JAKMIP2: variants seen among roughly 807,000 people sequenced by gnomAD.
The protein encoded by JAKMIP2 is janus kinase and microtubule-interacting protein 2.
In JAKMIP2, 25 loss-of-function variants were observed where a neutral mutation model predicts 115.0. The observed-to-expected ratio is 0.22, with a 90% CI of 0.16 to 0.30. JAKMIP2 has a LOEUF of 0.30. Among genes scored for constraint, JAKMIP2 ranks in the 10% least tolerant of loss-of-function variants. JAKMIP2 has a pLI of 1.00. For synonymous variants in JAKMIP2, 334 were observed against 343.6 expected, an observed-to-expected ratio of 0.97 and a Z score of 0.31; for missense variants, 642 against 957.6, an observed-to-expected ratio of 0.67 and a Z score of 4.35.
chr5:147,654,402 G>C (rs1046773110), intron 3 of JAKMIP2, among the ~76,000 whole-genome samples: 3 of 152,028 alleles, frequency 2.0e-5, no homozygotes, highest in Admixed American at 6.5e-5. Context: ...GCAGTGGTTT[G>C]TAGCTCCCCT....
intron 21 of JAKMIP2, chr5:147,594,316 C>G: frequency 3.1e-6 from 1 of 326,966 alleles, no homozygotes; most frequent in Middle Eastern, 6.1e-4. Flanking sequence ...ATTTTTGAGA[C>G]TTTACTGCAT....
intron 1 of JAKMIP2, among the ~76,000 whole-genome samples, chr5:147,773,315 C>G (rs770568513): frequency 2.6e-5 from 4 of 152,098 alleles, no homozygotes; most frequent in Non-Finnish European, 5.9e-5. Flanking sequence ...CACTTAAGCA[C>G]CACAAGGCTA....
intron 2 of JAKMIP2, among the ~76,000 whole-genome samples, chr5:147,662,794 G>A (rs548754275): frequency 1.4e-3 from 218 of 152,228 alleles, no homozygotes; most frequent in African/African-American, 4.8e-3. Context: ...AGACTAGCCT[G>A]GCCAACATGG....
intron 1 of JAKMIP2, among the ~76,000 whole-genome samples, chr5:147,739,299 C>A (rs1242435804): frequency 6.6e-6 from 1 of 152,222 alleles, no homozygotes; most frequent in East Asian, 1.9e-4. Context: ...TGCATTCTCT[C>A]TCATTTCTCT....
chr5:147,685,567 T>C (rs988395662), intron 1 of JAKMIP2, among the ~76,000 whole-genome samples: 1 of 152,196 alleles, frequency 6.6e-6, no homozygotes, highest in African/African-American at 2.4e-5. Flanking sequence ...AGAAATACTG[T>C]ACTAGAAATA....
intron 1 of JAKMIP2, among the ~76,000 whole-genome samples, chr5:147,688,607 C>A (rs1448056961): frequency 6.6e-6 from 1 of 152,088 alleles, no homozygotes; most frequent in Non-Finnish European, 1.5e-5. Context: ...AATAATTGAC[C>A]TTCTGCTCAG....
intron 1 of JAKMIP2, among the ~76,000 whole-genome samples, chr5:147,702,459 A>G (rs1215986629): frequency 8.0e-6 from 1 of 125,672 alleles, no homozygotes; most frequent in African/African-American, 3.5e-5. Flanking sequence ...GGAAGGAAGG[A>G]AGGAAGGGAG....
chr5:147,712,696 G>T (rs1443691255), intron 1 of JAKMIP2, among the ~76,000 whole-genome samples: 5 of 152,084 alleles, frequency 3.3e-5, no homozygotes. Context: ...TCACTTGGTT[G>T]CTCCCTCATC....
rs940459594 is a variant in JAKMIP2, at chr5:147,648,457, T to C, written c.855A>G (p.Gln285=). The change falls in exon 5 of 22, where the codon CAA becomes CAG. Residue 285 remains glutamine, a synonymous_variant. Transcript: ENST00000616793. ...HCSSPDLRRN[Q]KRIAELNATI... ...TGGCATTCAATTCAGCTATTCTCTTTTGATTTCTTCGCAAATCCTACAAAG... is the reference window on the plus strand; with the variant it reads ...TGGCATTCAATTCAGCTATTCTCTTCTGATTTCTTCGCAAATCCTACAAAG... The C allele has an allele frequency of 6.2e-7, 1 of 1,601,842 alleles. No homozygotes were observed. The highest frequency in any genetic ancestry group is 8.5e-7 in the Non-Finnish European group (1 of 1,169,880).
At chr5:147,644,802 G>A in intron 6 of JAKMIP2, 48 bp downstream of exon 6, 1 of 1,509,370 alleles carries the variant, frequency 6.6e-7, no homozygotes, top group South Asian at 1.2e-5. Context: ...GGTTATTAAG[G>A]TAATATAATC....
chr5:147,622,653 A>G (rs980621355), intron 17 of JAKMIP2, among the ~76,000 whole-genome samples: 5 of 152,214 alleles, frequency 3.3e-5, no homozygotes, highest in African/African-American at 1.2e-4. Context: ...CTGTTCATCC[A>G]TTGATGGACA....
intron 1 of JAKMIP2, among the ~76,000 whole-genome samples, chr5:147,746,277 A>T (rs1754343184): frequency 6.6e-6 from 1 of 152,138 alleles, no homozygotes; most frequent in Non-Finnish European, 1.5e-5. Context: ...TCATTCAGAC[A>T]TGCCAAGTAG....
chr5:147,643,773 A>G (rs1280000996), intron 7 of JAKMIP2, among the ~76,000 whole-genome samples: 1 of 152,100 alleles, frequency 6.6e-6, no homozygotes, highest in Non-Finnish European at 1.5e-5. Flanking sequence ...GACACACCCA[A>G]CCTACCTACA....
At chr5:147,601,602 CAA>C in intron 21 of JAKMIP2, 137 bp downstream of exon 21, 1 of 552 alleles carries the variant, frequency 1.8e-3, no homozygotes, top group South Asian at 0.5. Flanking sequence ...GACTCTGTCT[CAA>C]AACAAAACAA....
At chr5:147,664,851 T>C (rs941894579) in intron 2 of JAKMIP2, among the ~76,000 whole-genome samples, 1 of 151,824 alleles carries the variant, frequency 6.6e-6, no homozygotes, top group Non-Finnish European at 1.5e-5. Context: ...ACTAAGGATG[T>C]ATGCTGTTAT....
At chr5:147,604,786 C>G (rs1755903340) in intron 20 of JAKMIP2, among the ~76,000 whole-genome samples, 1 of 147,810 alleles carries the variant, frequency 6.8e-6, no homozygotes, top group South Asian at 2.2e-4. Context: ...TTCCTGGTGT[C>G]TTGGGCCAGA....
intron 1 of JAKMIP2, among the ~76,000 whole-genome samples, chr5:147,760,716 G>C (rs1754904496): frequency 6.6e-6 from 1 of 152,038 alleles, no homozygotes; most frequent in Non-Finnish European, 1.5e-5. Context: ...AATATAAATG[G>C]AATAATGATT....
intron 1 of JAKMIP2, among the ~76,000 whole-genome samples, chr5:147,754,132 G>T (rs1754660504): frequency 1.3e-5 from 2 of 152,092 alleles, no homozygotes; most frequent in African/African-American, 4.8e-5. Context: ...TCTACTGATG[G>T]TTCCAACTTA....
chr5:147,724,840 C>CAAGG (rs1753454098), intron 1 of JAKMIP2, among the ~76,000 whole-genome samples: 1 of 151,632 alleles, frequency 6.6e-6, no homozygotes, highest in Non-Finnish European at 1.5e-5. Flanking sequence ...AGATAAAAAA[C>CAAGG]AAGGAAGGAA....
Sources: gnomAD v4.1 joint callset for allele counts (sites outside exome capture counted in the v4.1 genomes callset) on GRCh38, gnomAD v4.1.1 for gene constraint, MANE v1.5 for transcripts, NCBI Gene and HGNC (gene_info 2026-07-23, HGNC 2026-07-21) for gene names.